The following ADK variants were observed in gnomAD, a reference collection of about 807,000 sequenced individuals.
ADK encodes the protein adenosine kinase.
In ADK, 24 loss-of-function variants were observed where a neutral mutation model predicts 44.7. That is an observed-to-expected ratio of 0.54 (90% CI 0.39 to 0.76). ADK has a LOEUF of 0.76. ADK is among the 30% of genes least tolerant of loss of function. ADK has a pLI of 0.00. For synonymous variants in ADK, 128 were observed against 142.6 expected, an observed-to-expected ratio of 0.90 and a Z score of 0.73; for missense variants, 321 against 425.1, an observed-to-expected ratio of 0.76 and a Z score of 2.15.
intron 6 of ADK, among the ~76,000 whole-genome samples, chr10:74,413,612 T>C (rs1431313543): frequency 6.6e-6 from 1 of 152,232 alleles, no homozygotes; most frequent in Non-Finnish European, 1.5e-5. Context: ...GGTTTGATGT[T>C]CTATACAGAC....
chr10:74,510,559 A>G (rs1223012960), intron 6 of ADK, among the ~76,000 whole-genome samples: 1 of 151,996 alleles, frequency 6.6e-6, no homozygotes, highest in Non-Finnish European at 1.5e-5. Context: ...AAAGATTTTC[A>G]GTTTGATATA....
At chr10:74,166,346 G>T (rs1321330623) in intron 1 of ADK, among the ~76,000 whole-genome samples, 1 of 151,882 alleles carries the variant, frequency 6.6e-6, no homozygotes, top group Non-Finnish European at 1.5e-5. Flanking sequence ...TTTGAGATGG[G>T]GTCTTACTTG....
rs927371550 is a variant in ADK, at chr10:74,176,474, C to G, written c.66-24290C>G. 4 of 1,140,344 alleles carry G rather than the reference C, an allele frequency of 3.5e-6. No individual in the cohort carries two copies. The Admixed American group carries it at 1.7e-4, about 49-fold the overall frequency. The allele number at this position is 1,140,344 out of a possible 1,614,324, so 70.6% of individuals were successfully genotyped here. A position where few individuals can be genotyped will look rare whatever the true frequency, so the allele number is the denominator to read the frequency against. On this transcript the variant is annotated intron_variant, in intron 1 of 10. Transcript: ENST00000539909. ...GACAGTGGCCACGTGACTGCTAAAC[C>G]GGTTGCCAGAGGCGCGGCCATTTTT... is the stretch of plus-strand genomic sequence containing the variant.
chr10:74,705,575 C>T (rs1252419541), intron 10 of ADK, among the ~76,000 whole-genome samples: 1 of 152,208 alleles, frequency 6.6e-6, no homozygotes, highest in African/African-American at 2.4e-5. Flanking sequence ...CAGTTTGGGG[C>T]TATTACAAAT....
intron 4 of ADK, among the ~76,000 whole-genome samples, chr10:74,373,878 C>T (rs1272857947): frequency 6.6e-6 from 1 of 152,116 alleles, no homozygotes; most frequent in East Asian, 1.9e-4. Context: ...AACATGGAAA[C>T]AACCCAAGTG....
intron 7 of ADK, among the ~76,000 whole-genome samples, chr10:74,532,054 TATTAA>T (rs1200423091): frequency 2.0e-5 from 3 of 152,144 alleles, no homozygotes; most frequent in Non-Finnish European, 2.9e-5. Flanking sequence ...CCGAACAATA[TATTAA>T]AAGAGTAATT....
chr10:74,495,008 C>T (rs1847631858), intron 6 of ADK, among the ~76,000 whole-genome samples: 1 of 152,134 alleles, frequency 6.6e-6, no homozygotes, highest in Non-Finnish European at 1.5e-5. Context: ...GAAACCATTG[C>T]TCTATTATAT....
chr10:74,244,292 C>T (rs1845334052), intron 3 of ADK, among the ~76,000 whole-genome samples: 1 of 152,096 alleles, frequency 6.6e-6, no homozygotes, highest in Non-Finnish European at 1.5e-5. Context: ...GCTATTTCGC[C>T]TGTTTTATCT....
At chr10:74,174,024 T>C (rs1173834849) in intron 1 of ADK, among the ~76,000 whole-genome samples, 1 of 151,642 alleles carries the variant, frequency 6.6e-6, no homozygotes, top group Non-Finnish European at 1.5e-5. Flanking sequence ...GTTTAAAGGC[T>C]GGGTGTGGTG....
At chr10:74,496,889 T>G (rs967311154) in intron 6 of ADK, among the ~76,000 whole-genome samples, 4 of 152,224 alleles carry the variant, frequency 2.6e-5, no homozygotes, top group Non-Finnish European at 2.9e-5. Flanking sequence ...GTAGTTTATT[T>G]GTTTTGGTTG....
intron 8 of ADK, among the ~76,000 whole-genome samples, chr10:74,592,343 G>A (rs759173728): frequency 6.6e-6 from 1 of 151,958 alleles, no homozygotes; most frequent in Non-Finnish European, 1.5e-5. Flanking sequence ...TTAAATGTTC[G>A]TATTTTTAGA....
At chr10:74,511,761 C>T (rs1312120709) in intron 6 of ADK, among the ~76,000 whole-genome samples, 1 of 151,906 alleles carries the variant, frequency 6.6e-6, no homozygotes, top group Non-Finnish European at 1.5e-5. Flanking sequence ...GACAATTTAA[C>T]TTCCTTCTTC....
At chr10:74,479,480 A>G (rs1042035186) in intron 6 of ADK, among the ~76,000 whole-genome samples, 6 of 141,766 alleles carry the variant, frequency 4.2e-5, no homozygotes, top group African/African-American at 1.6e-4. Flanking sequence ...TCTTTGCCAT[A>G]CAGCAGAGAA....
intron 1 of ADK, among the ~76,000 whole-genome samples, chr10:74,172,426 C>A (rs922761140): frequency 1.3e-5 from 2 of 152,030 alleles, no homozygotes; most frequent in Non-Finnish European, 2.9e-5. Context: ...CGCGGTGGCT[C>A]ACCTGTAATC....
chr10:74,699,911 T>C (rs7086415), intron 10 of ADK, among the ~76,000 whole-genome samples: 123,581 of 152,086 alleles, frequency 0.81, 50,558 homozygotes, highest in African/African-American at 0.9. Context: ...TGTGGGGAAA[T>C]GGGCACTCTT....
At chr10:74,253,251 G>C (rs1428022859) in intron 3 of ADK, among the ~76,000 whole-genome samples, 5 of 152,270 alleles carry the variant, frequency 3.3e-5, no homozygotes, top group Non-Finnish European at 5.9e-5. Flanking sequence ...CGTAGGCAGA[G>C]AGTAGCAGTT....
intron 9 of ADK, among the ~76,000 whole-genome samples, chr10:74,609,065 G>A (rs10762631): frequency 0.22 from 33,785 of 152,078 alleles, 5,168 homozygotes; most frequent in African/African-American, 0.43. Flanking sequence ...CTCAAGCCTC[G>A]GTAATGGCAG....
chr10:74,396,959 GAA>G (rs79415702), intron 5 of ADK, among the ~76,000 whole-genome samples: 9 of 131,904 alleles, frequency 6.8e-5, no homozygotes, highest in African/African-American at 5.6e-5. Flanking sequence ...ACTTCATCTG[GAA>G]AAAAAAAAAA....
intron 6 of ADK, among the ~76,000 whole-genome samples, chr10:74,484,877 T>C (rs934133817): frequency 6.6e-6 from 1 of 152,176 alleles, no homozygotes; most frequent in African/African-American, 2.4e-5. Context: ...TTTTATACTA[T>C]ACACAAAAAT....
Sources: allele counts gnomAD v4.1 joint callset (sites outside exome capture counted in the v4.1 genomes callset), GRCh38; gene constraint gnomAD v4.1.1; transcripts MANE v1.5; gene names NCBI Gene and HGNC (gene_info 2026-07-23, HGNC 2026-07-21).